The following GIPC1 variants were observed in gnomAD, a reference collection of about 807,000 sequenced individuals.
GIPC1 encodes GIPC PDZ domain containing family member 1.
Under a neutral mutation model 28.5 loss-of-function variants are expected in GIPC1, and 15 were observed. The ratio of observed to expected loss-of-function variants is 0.53; its 90% CI spans 0.35 to 0.81. The LOEUF (loss-of-function observed/expected upper bound fraction) is 0.81. GIPC1 is among the 30% of genes least tolerant of loss of function. The pLI, the probability that GIPC1 is intolerant of heterozygous loss-of-function variation, is 0.01. For synonymous variants in GIPC1, 224 were observed against 206.1 expected, an observed-to-expected ratio of 1.09 and a Z score of -0.74; for missense variants, 439 against 481.9, an observed-to-expected ratio of 0.91 and a Z score of 0.83.
chr19:14,484,497 G>A lies in GIPC1; in HGVS notation c.-30-1491C>T, dbSNP rs556520404. ...GCGGTGGCTCATGCCTGTAATCCCAGCACTTTGGGAGGCTGAGGCGGGTGG... is the reference window on the plus strand; with the variant it reads ...GCGGTGGCTCATGCCTGTAATCCCAACACTTTGGGAGGCTGAGGCGGGTGG... On this transcript the variant is annotated intron_variant, in intron 3 of 8. Coordinates refer to ENST00000393033, the MANE Select transcript of GIPC1 (RefSeq NM_005716.4). Among the ~76,000 whole-genome samples the A allele has an allele frequency of 1.6e-4, 25 of 151,758 alleles. 1 individual carries two copies. Among genetic ancestry groups the A allele is most frequent in the Admixed American group, 3.9e-4 (6 of 15,228 alleles).
Position 14,491,460 on chromosome 19 carries a change from T to C in GIPC1, c.-31+196A>G, listed in dbSNP as rs141687486. Among the ~76,000 whole-genome samples, 1,168 of 152,080 alleles carry C rather than the reference T, an allele frequency of 7.7e-3. 16 individuals are homozygous for C. The highest frequency in any genetic ancestry group is 0.026 in the African/African-American group (1,079 of 41,480). ...TTTTAGTAGAGATGGGGTTTCTCCATGTTGACCAGGCTGGTCTGGAACTCC... is the reference window on the plus strand; with the variant it reads ...TTTTAGTAGAGATGGGGTTTCTCCACGTTGACCAGGCTGGTCTGGAACTCC... On this transcript the variant is annotated intron_variant, in intron 3 of 8. Transcript: ENST00000393033.
At chr19:14,493,584 A>G (rs1351634209) in intron 1 of GIPC1, among the ~76,000 whole-genome samples, 1 of 151,698 alleles carries the variant, frequency 6.6e-6, no homozygotes, top group Admixed American at 6.6e-5. Context: ...TAGCCTCCTG[A>G]GTAGCTGGGA....
chr19:14,489,481 C>A (rs557850402), intron 3 of GIPC1: 20 of 951,326 alleles, frequency 2.1e-5, no homozygotes, highest in Admixed American at 1.2e-4. Flanking sequence ...AGGAATATTG[C>A]GGGGATTTGA....
chr19:14,482,400 C>T (rs1259534542), intron 4 of GIPC1: 1 of 539,216 alleles, frequency 1.9e-6, no homozygotes, highest in Admixed American at 3.3e-5. Flanking sequence ...CAGCATGCAG[C>T]CCTGGCCATC....
intron 6 of GIPC1, chr19:14,479,946 G>T: frequency 2.2e-6 from 1 of 457,702 alleles, no homozygotes; most frequent in Non-Finnish European, 3.9e-6. Flanking sequence ...CAGGGGCCTG[G>T]GGCCCATTCC....
chr19:14,496,038 T>A lies in GIPC1; in HGVS notation c.-176A>T. ...ATCCTTCTCGCAGAGGCCACTCACC[T>A]GCTCCGCCGCCGCCGCCGCCGCCGC... is the stretch of plus-strand genomic sequence containing the variant. On this transcript the variant is annotated splice_region_variant and 5_prime_UTR_variant, in exon 1 of 9. Transcript: ENST00000393033. 4.8e-6 allele frequency: 1 copy of A among 208,212 alleles called. No homozygotes were observed. 12.9% of individuals were successfully genotyped at this position (208,212 alleles called of 1,614,324 possible). A position where few individuals can be genotyped will look rare whatever the true frequency, so the allele number is the denominator to read the frequency against.
chr19:14,487,362 A>C (rs1028107934), intron 3 of GIPC1, among the ~76,000 whole-genome samples: 1 of 151,294 alleles, frequency 6.6e-6, no homozygotes, highest in Non-Finnish European at 1.5e-5. Context: ...CCTCCCAGGT[A>C]GCTGGGACTA....
intron 3 of GIPC1, among the ~76,000 whole-genome samples, chr19:14,484,129 CTTTTTTTTTTT>C (rs56178535): frequency 9.2e-6 from 1 of 108,546 alleles, no homozygotes; most frequent in Non-Finnish European, 1.9e-5. Flanking sequence ...GACCCTGACT[CTTTTTTTTTTT>C]TTTTTTTTGA....
chr19:14,495,602 C>G (rs1358381172), intron 1 of GIPC1, among the ~76,000 whole-genome samples: 1 of 152,090 alleles, frequency 6.6e-6, no homozygotes, highest in Non-Finnish European at 1.5e-5. Context: ...TAAATGCTAG[C>G]TGAGGTGGAG....
In GIPC1 at chr19:14,481,402, C is replaced by T. The variant is rs62122610; in HGVS notation, c.289-624G>A. Reference sequence around the variant, plus strand: ...GGGACTATAGGTGTGCACCACTGTACCCAGCTAGGATTTCGGTCCTAGCAA... The same window carrying T: ...GGGACTATAGGTGTGCACCACTGTATCCAGCTAGGATTTCGGTCCTAGCAA... On this transcript the variant is annotated intron_variant, in intron 4 of 8. Transcript: ENST00000393033. 4.4e-3 allele frequency among the ~76,000 whole-genome samples: 671 copies of T among 152,278 alleles called. 10 individuals are homozygous for T. Among genetic ancestry groups the T allele is most frequent in the Non-Finnish European group, 6.5e-3 (439 of 68,028 alleles).
At position 14,478,026 on chromosome 19, in the gene GIPC1, C is replaced by T. The variant is rs916513965; in HGVS notation, c.*390G>A. The T allele has an allele frequency of 2.0e-5, 4 of 195,290 alleles. No individual in the cohort carries two copies. Among genetic ancestry groups the T allele is most frequent in the East Asian group, 2.4e-4 (2 of 8,282 alleles). The allele number at this position is 195,290 out of a possible 1,614,324, so 12.1% of individuals were successfully genotyped here. A position where few individuals can be genotyped will look rare whatever the true frequency, so the allele number is the denominator to read the frequency against. ...ACAACCCTCTCCCCTGTATTCCCTGCGTCAGGAAACTAGGAAGGTCATGAC... is the reference window on the plus strand; with the variant it reads ...ACAACCCTCTCCCCTGTATTCCCTGTGTCAGGAAACTAGGAAGGTCATGAC... On this transcript the variant is annotated 3_prime_UTR_variant, in exon 9 of 9. Transcript: ENST00000393033. This position sits in a 1 kb window ranked among gnomAD's most constrained non-coding sequence, Gnocchi z 5.2.
In GIPC1 at chr19:14,480,631, T is replaced by G; in HGVS notation, c.436A>C (p.Thr146Pro). 6.2e-7 allele frequency: 1 copy of G among 1,614,210 alleles called. No homozygotes were observed. Among genetic ancestry groups the G allele is most frequent in the Non-Finnish European group, 8.5e-7 (1 of 1,180,024 alleles). ...VFKSEDALGL[T>P]ITDNGAGYAF... ...TAGCCAGCCCCGTTGTCCGTGATGG[T>G]GAGCCCGAGTGCATCCTCCGACTTG... is the stretch of plus-strand genomic sequence containing the variant. Residue 146 changes from threonine to proline, a missense_variant, in exon 5 of 9, where the codon ACC becomes CCC. Coordinates refer to ENST00000393033, the MANE Select transcript of GIPC1 (RefSeq NM_005716.4).
chr19:14,482,851 G>T lies in GIPC1; in HGVS notation c.126C>A (p.Gly42=), dbSNP rs753105446. The change falls in exon 4 of 9, where the codon GGC becomes GGA. Residue 42 remains glycine, a synonymous_variant. Transcript: ENST00000393033. ...PGPLGGGGSG[G]PQMGLPPPPP... is the part of the protein sequence containing the mutation. ...GAGGGGGGGGCAAGCCCATTTGGGG[G>T]CCCCCCGACCCACCTCCGCCCAGAG... 2.7e-5 allele frequency: 42 copies of T among 1,572,024 alleles called. 1 individual carries two copies. The South Asian group carries it at 4.8e-4, about 18-fold the overall frequency.
At chr19:14,495,319 G>C (rs904623705) in intron 1 of GIPC1, among the ~76,000 whole-genome samples, 3 of 151,990 alleles carry the variant, frequency 2.0e-5, no homozygotes, top group Admixed American at 6.6e-5. Context: ...TACGGGGTAG[G>C]GGGTGGGAGG....
intron 3 of GIPC1, among the ~76,000 whole-genome samples, chr19:14,486,932 G>A (rs1011137484): frequency 5.9e-5 from 9 of 151,508 alleles, no homozygotes; most frequent in Admixed American, 1.3e-4. Flanking sequence ...CACCGCGCCC[G>A]GCCCGCTTCT....
intron 3 of GIPC1, among the ~76,000 whole-genome samples, chr19:14,484,645 CT>C (rs2071798332): frequency 6.6e-6 from 1 of 151,968 alleles, no homozygotes; most frequent in Non-Finnish European, 1.5e-5. Context: ...ACTCAGGAGG[CT>C]GAGGCAGGAG....
rs1174634221 is a variant in GIPC1, at chr19:14,482,674, C to T, written c.288+15G>A. 1.9e-6 allele frequency: 3 copies of T among 1,609,904 alleles called. No individual in the cohort carries two copies. The highest frequency in any genetic ancestry group is 2.5e-6 in the Non-Finnish European group (3 of 1,178,774). On this transcript the variant is annotated intron_variant, in intron 4 of 8. Transcript: ENST00000393033. ...CACCATCAGGGACCCTGGTGCCCGG[C>T]TCCCCAGTGGATACCTCGGCAGTTG... is the stretch of plus-strand genomic sequence containing the variant.
rs2072075380 is a variant in GIPC1, at chr19:14,496,067, C to CGCCGCCGCCGCT, written c.-206_-205insAGCGGCGGCGGC. On this transcript the variant is annotated 5_prime_UTR_variant, in exon 1 of 9. Coordinates refer to ENST00000393033, the MANE Select transcript of GIPC1 (RefSeq NM_005716.4). The stretch of plus-strand genomic sequence containing the variant: ...CCGCCGCCGCCGCCGCCGCCGCCGC[C>CGCCGCCGCCGCT]GCCGCCGCTGCCTCCGCCTCCCCGT... 7.9e-6 allele frequency: 2 copies of CGCCGCCGCCGCT among 251,642 alleles called. No individual in the cohort carries two copies. The highest frequency in any genetic ancestry group is 5.4e-5 in the Admixed American group (1 of 18,380). 15.6% of individuals were successfully genotyped at this position (251,642 alleles called of 1,614,324 possible).
At position 14,478,587 on chromosome 19, in the gene GIPC1, A is replaced by G; in HGVS notation, c.851-20T>C. 1 of 1,613,820 alleles carries G rather than the reference A, an allele frequency of 6.2e-7. No homozygotes were observed. The highest frequency in any genetic ancestry group is 8.5e-7 in the Non-Finnish European group (1 of 1,179,870). Reference sequence around the variant, plus strand: ...TGGCCGCTATTGGGGGAGGGGTCAGAACGGAGGCACAAATGACACCAGGGA... The same window carrying G: ...TGGCCGCTATTGGGGGAGGGGTCAGGACGGAGGCACAAATGACACCAGGGA... On this transcript the variant is annotated intron_variant, in intron 8 of 8. Transcript: ENST00000393033. This position sits in a 1 kb window ranked among gnomAD's most constrained non-coding sequence, Gnocchi z 5.2.
Sources: gnomAD v4.1 joint callset for allele counts (sites outside exome capture counted in the v4.1 genomes callset) on GRCh38, gnomAD v4.1.1 for gene constraint, Gnocchi (gnomAD v3.1) non-coding constraint, MANE v1.5 for transcripts, NCBI Gene and HGNC (gene_info 2026-07-23, HGNC 2026-07-21) for gene names.